The following ANKS1B variants were observed in gnomAD, a reference collection of about 807,000 sequenced individuals.
ANKS1B encodes ankyrin repeat and sterile alpha motif domain containing 1B, also known as ankyrin repeat and sterile alpha motif domain-containing protein 1B.
ANKS1B carries 36 observed loss-of-function variants against 148.3 expected under a neutral mutation model. That is an observed-to-expected ratio of 0.24 (90% CI 0.19 to 0.32). The LOEUF (loss-of-function observed/expected upper bound fraction) is 0.32. Ranked by LOEUF, ANKS1B falls within the 10% of genes least tolerant of loss-of-function variation. ANKS1B has a pLI of 1.00. For missense variants in ANKS1B, 1,157 were observed against 1,542.6 expected (o/e 0.75, Z 4.19); for synonymous variants, 542 against 560.8 (o/e 0.97, Z 0.47).
chr12:99,983,091 T>C (rs2095729781), intron 1 of ANKS1B, among the ~76,000 whole-genome samples: 1 of 152,214 alleles, frequency 6.6e-6, no homozygotes, highest in African/African-American at 2.4e-5. Context: ...TTTACAACTA[T>C]AGTTGGGTTA....
At chr12:99,840,311 G>A (rs2085510064) in intron 1 of ANKS1B, among the ~76,000 whole-genome samples, 1 of 152,076 alleles carries the variant, frequency 6.6e-6, no homozygotes, top group Non-Finnish European at 1.5e-5. Context: ...GCAAGGAAGA[G>A]AGCACAGAAA....
intron 14 of ANKS1B, among the ~76,000 whole-genome samples, chr12:99,195,860 A>G (rs1375972258): frequency 6.6e-6 from 1 of 152,124 alleles, no homozygotes; most frequent in East Asian, 1.9e-4. Flanking sequence ...TCGAGCATTT[A>G]TTGAGAGGTG....
At chr12:98,807,173 A>C (rs2099056886) in intron 20 of ANKS1B, among the ~76,000 whole-genome samples, 2 of 152,228 alleles carry the variant, frequency 1.3e-5, no homozygotes, top group Non-Finnish European at 2.9e-5. Flanking sequence ...AATAGAAATA[A>C]ACTTTTTCTA....
intron 4 of ANKS1B, among the ~76,000 whole-genome samples, chr12:99,786,614 C>T (rs1159389358): frequency 6.6e-6 from 1 of 152,180 alleles, no homozygotes; most frequent in African/African-American, 2.4e-5. Flanking sequence ...TCTACACTCA[C>T]ATGGTAAGTT....
At chr12:99,109,251 T>C (rs959046435) in intron 15 of ANKS1B, among the ~76,000 whole-genome samples, 1 of 152,206 alleles carries the variant, frequency 6.6e-6, no homozygotes, top group African/African-American at 2.4e-5. Flanking sequence ...AGGAAGTTAA[T>C]TGGTTCATCA....
At chr12:99,211,108 A>ACTT (rs1351135941) in intron 14 of ANKS1B, among the ~76,000 whole-genome samples, 1 of 152,214 alleles carries the variant, frequency 6.6e-6, no homozygotes, top group Non-Finnish European at 1.5e-5. Flanking sequence ...TGGCATGTTG[A>ACTT]CTTCAGAAAC....
chr12:99,430,168 A>G (rs1203726013), intron 11 of ANKS1B, among the ~76,000 whole-genome samples: 1 of 152,134 alleles, frequency 6.6e-6, no homozygotes, highest in African/African-American at 2.4e-5. Flanking sequence ...CATGAAGATC[A>G]CTCTGTGATA....
At chr12:99,194,720 TA>T (rs1264252965) in intron 14 of ANKS1B, among the ~76,000 whole-genome samples, 1 of 152,194 alleles carries the variant, frequency 6.6e-6, no homozygotes, top group African/African-American at 2.4e-5. Context: ...TATTGTTTGA[TA>T]TTCCATTAGG....
chr12:99,941,064 G>C (rs955015080), intron 1 of ANKS1B, among the ~76,000 whole-genome samples: 2 of 152,028 alleles, frequency 1.3e-5, no homozygotes, highest in African/African-American at 4.8e-5. Flanking sequence ...GGTCTCCTTA[G>C]TACCTAGCAG....
chr12:99,040,683 G>A (rs1419056230), intron 17 of ANKS1B, among the ~76,000 whole-genome samples: 3 of 152,046 alleles, frequency 2.0e-5, no homozygotes, highest in Non-Finnish European at 4.4e-5. Context: ...TCAGGTGAGG[G>A]GAAATATATC....
At chr12:99,504,797 C>G (rs964736664) in intron 9 of ANKS1B, 156 bp from the exon 10 acceptor site, 7 of 587,474 alleles carry the variant, frequency 1.2e-5, no homozygotes, top group African/African-American at 1.1e-4. Flanking sequence ...ATCATGTAAA[C>G]CCAATATCAG....
chr12:99,253,478 A>G (rs1294426375), intron 12 of ANKS1B, among the ~76,000 whole-genome samples: 1 of 152,158 alleles, frequency 6.6e-6, no homozygotes, highest in Non-Finnish European at 1.5e-5. Context: ...GCTCATGGCT[A>G]CTGTGGCTCA....
intron 12 of ANKS1B, among the ~76,000 whole-genome samples, chr12:99,385,271 C>G (rs906971756): frequency 2.1e-4 from 32 of 152,108 alleles, no homozygotes; most frequent in African/African-American, 7.5e-4. Context: ...GAGTTCGAGA[C>G]CAGCCTGGCC....
chr12:99,813,356 G>A (rs768672937), intron 2 of ANKS1B, among the ~76,000 whole-genome samples: 4 of 151,418 alleles, frequency 2.6e-5, no homozygotes, highest in Non-Finnish European at 5.9e-5. Flanking sequence ...CTCACTAAAT[G>A]AAATGCTAGT....
intron 12 of ANKS1B, among the ~76,000 whole-genome samples, chr12:99,274,639 GC>G (rs1325705404): frequency 1.3e-5 from 2 of 152,034 alleles, no homozygotes; most frequent in Non-Finnish European, 2.9e-5. Context: ...CTTTTTCAAT[GC>G]CCTTTTAGTT....
At chr12:99,852,226 A>G (rs1718470637) in intron 1 of ANKS1B, among the ~76,000 whole-genome samples, 1 of 152,334 alleles carries the variant, frequency 6.6e-6, no homozygotes, top group African/African-American at 2.4e-5. Context: ...TAAAGGGTAC[A>G]TGCTTCCAAG....
chr12:99,123,666 C>T (rs2063533943), intron 15 of ANKS1B, among the ~76,000 whole-genome samples: 1 of 152,230 alleles, frequency 6.6e-6, no homozygotes, highest in Admixed American at 6.5e-5. Context: ...GGTATAAGTG[C>T]AAGAGTCCAA....
intron 1 of ANKS1B, among the ~76,000 whole-genome samples, chr12:99,851,891 T>C (rs1199759310): frequency 6.6e-6 from 1 of 152,180 alleles, no homozygotes; most frequent in East Asian, 1.9e-4. Flanking sequence ...TAAAGCAGAG[T>C]CACATTTTGA....
chr12:99,266,660 G>T (rs777942190), intron 12 of ANKS1B, among the ~76,000 whole-genome samples: 16 of 152,096 alleles, frequency 1.1e-4, no homozygotes, highest in Non-Finnish European at 1.9e-4. Flanking sequence ...CACACAGTGG[G>T]TTATTTAATT....
Sources: allele counts gnomAD v4.1 joint callset (sites outside exome capture counted in the v4.1 genomes callset), GRCh38; gene constraint gnomAD v4.1.1; transcripts MANE v1.5; gene names NCBI Gene and HGNC (gene_info 2026-07-23, HGNC 2026-07-21).